Variants in VAPB observed in about 807,000 individuals in gnomAD.
The protein encoded by VAPB is VAMP associated protein B and C, also known as vesicle-associated membrane protein-associated protein B/C.
A neutral mutation model predicts 25.6 loss-of-function variants in VAPB; 7 were observed. The ratio of observed to expected loss-of-function variants is 0.27; its 90% CI spans 0.16 to 0.51. The LOEUF is 0.51. Among genes scored for constraint, VAPB ranks in the 20% least tolerant of loss-of-function variants. The pLI is 0.97. For synonymous variants in VAPB, 112 were observed against 109.2 expected, an observed-to-expected ratio of 1.03 and a Z score of -0.16; for missense variants, 266 against 301.3, an observed-to-expected ratio of 0.88 and a Z score of 0.87.
rs113753542 is a variant in VAPB at position 58,399,293 on chromosome 20, T to C, written c.58+9776T>C. Among the ~76,000 whole-genome samples, 279 of 147,108 alleles carry C rather than the reference T, an allele frequency of 1.9e-3. 1 individual carries two copies. Among genetic ancestry groups the C allele is most frequent in the African/African-American group, 6.9e-3 (273 of 39,698 alleles). ...CCAGCCTGGGCAACAAGAGCAAAAC[T>C]CCGTCTCAAAAAAAAAAAAGAGAGA... On this transcript the variant is annotated intron_variant, in intron 1 of 5. Coordinates refer to ENST00000475243, the MANE Select transcript of VAPB (RefSeq NM_004738.5).
At chr20:58,402,190 C>T (rs563886091) in intron 1 of VAPB, among the ~76,000 whole-genome samples, 1 of 152,312 alleles carries the variant, frequency 6.6e-6, no homozygotes, top group South Asian at 2.1e-4. Context: ...TGCACTCCCC[C>T]CACATTGCCC....
Position 58,442,088 on chromosome 20 carries a change from A to C in VAPB, c.573+1005A>C, listed in dbSNP as rs983591413. Among the ~76,000 whole-genome samples the C allele has an allele frequency of 3.9e-5, 6 of 152,330 alleles. No individual in the cohort carries two copies. In the South Asian group the frequency reaches 1.2e-3, roughly 32 times the overall value. On this transcript the variant is annotated intron_variant, in intron 5 of 5. Coordinates refer to ENST00000475243, the MANE Select transcript of VAPB (RefSeq NM_004738.5). Reference sequence around the variant, plus strand: ...CCCATCCAATATGAAACAGCTCTGAATCTGTGCTGGTCACAGCATCTCTTA... The same window carrying C: ...CCCATCCAATATGAAACAGCTCTGACTCTGTGCTGGTCACAGCATCTCTTA...
rs543250405 is a variant in VAPB, at chr20:58,405,567, A to G, written c.59-12644A>G. On this transcript the variant is annotated intron_variant, in intron 1 of 5. Transcript: ENST00000475243. Reference sequence around the variant, plus strand: ...AACCTCTGTCTCCCGGGTTCAAGCAATTCTCTTGCCTCAGCCTCCTGAGTA... The same window carrying G: ...AACCTCTGTCTCCCGGGTTCAAGCAGTTCTCTTGCCTCAGCCTCCTGAGTA... 4.3e-4 allele frequency among the ~76,000 whole-genome samples: 65 copies of G among 149,432 alleles called. No individual in the cohort carries two copies. The Middle Eastern group carries it at 0.011, about 25-fold the overall frequency.
At chr20:58,404,105 C>T (rs1988165459) in intron 1 of VAPB, among the ~76,000 whole-genome samples, 1 of 152,166 alleles carries the variant, frequency 6.6e-6, no homozygotes, top group South Asian at 2.1e-4. Context: ...GCCTGCTTCT[C>T]TCACCCTTTG....
At chr20:58,402,622 G>T (rs1480655982) in intron 1 of VAPB, among the ~76,000 whole-genome samples, 1 of 147,046 alleles carries the variant, frequency 6.8e-6, no homozygotes, top group Non-Finnish European at 1.5e-5. Context: ...GCCTAGCACA[G>T]CACAGTGCAT....
At chr20:58,429,667 G>A (rs1450883083) in intron 2 of VAPB, among the ~76,000 whole-genome samples, 1 of 152,324 alleles carries the variant, frequency 6.6e-6, no homozygotes, top group African/African-American at 2.4e-5. Flanking sequence ...ATGCATATGT[G>A]CCTCTATTTT....
rs1476283118 is a variant in VAPB at position 58,389,322 on chromosome 20, C to T, written c.-138C>T. 2.2e-6 allele frequency: 2 copies of T among 917,518 alleles called. No individual in the cohort carries two copies. The highest frequency in any genetic ancestry group is 4.2e-5 in the Admixed American group (2 of 47,892). The allele number at this position is 917,518 out of a possible 1,614,324, so 56.8% of individuals were successfully genotyped here. On this transcript the variant is annotated 5_prime_UTR_variant, in exon 1 of 6. Coordinates refer to ENST00000475243, the MANE Select transcript of VAPB (RefSeq NM_004738.5). ...GACCGACCCCCCCCCAGCGCGCCCA[C>T]CCGGTAGAGGACCCCCGCCCGTGCC...
At chr20:58,389,617 C>T (rs1324430843) in intron 1 of VAPB, 100 bp downstream of exon 1, 2 of 1,295,598 alleles carry the variant, frequency 1.5e-6, no homozygotes, top group Non-Finnish European at 2.0e-6. Context: ...TCGTCCCCAC[C>T]CCGACGGCGC....
At chr20:58,402,515 C>G (rs1988121718) in intron 1 of VAPB, among the ~76,000 whole-genome samples, 1 of 151,312 alleles carries the variant, frequency 6.6e-6, no homozygotes, top group Non-Finnish European at 1.5e-5. Flanking sequence ...TCATTGGCAA[C>G]GTGATACGTG....
At position 58,445,823 on chromosome 20, in the gene VAPB, T is replaced by C. The variant is rs1600824354; in HGVS notation, c.*1588T>C. On this transcript the variant is annotated 3_prime_UTR_variant, in exon 6 of 6. Coordinates refer to ENST00000475243, the MANE Select transcript of VAPB (RefSeq NM_004738.5). ...GGCCTTCCATTGCTTTGGCCTTCAG[T>C]AAAAAGCAGCCTCCCTTCTAGGTCA... 2.2e-6 allele frequency: 1 copy of C among 453,878 alleles called. No homozygotes were observed. Among genetic ancestry groups the C allele is most frequent in the East Asian group, 7.0e-5 (1 of 14,364 alleles). The allele number at this position is 453,878 out of a possible 1,614,324, so 28.1% of individuals were successfully genotyped here.
In VAPB at chr20:58,434,620, A is replaced by G; in HGVS notation, c.230A>G (p.Asp77Gly). The G allele has an allele frequency of 6.3e-7, 1 of 1,580,578 alleles. No individual in the cohort carries two copies. The highest frequency in any genetic ancestry group is 8.7e-7 in the Non-Finnish European group (1 of 1,149,904). ...INVSVMLQPF[D>G]YDPNEKSKHK... is the part of the protein sequence containing the mutation. The stretch of plus-strand genomic sequence containing the variant: ...TTCTCAGTGATGTTACAGCCTTTCG[A>G]TTATGATCCCAATGAGAAAAGTAAA... The change falls in exon 3 of 6, where the codon GAT becomes GGT. Residue 77 changes from aspartate (D) to glycine (G), a missense_variant. Physicochemically the swap from Asp to Gly is moderately conservative, Grantham distance 94. Around this residue, in one of 3 missense-constraint regions of VAPB, gnomAD observed 98 missense variants for 147.1 expected, o/e 0.67. Coordinates refer to ENST00000475243, the MANE Select transcript of VAPB (RefSeq NM_004738.5).
intron 1 of VAPB, among the ~76,000 whole-genome samples, chr20:58,408,242 G>C (rs1486466476): frequency 3.3e-5 from 5 of 152,170 alleles, no homozygotes; most frequent in Admixed American, 3.3e-4. Context: ...TTTCTCAGTA[G>C]CTGGCTGGCT....
chr20:58,417,067 C>G (rs1032767850), intron 1 of VAPB, among the ~76,000 whole-genome samples: 3 of 152,224 alleles, frequency 2.0e-5, no homozygotes, highest in African/African-American at 7.2e-5. Flanking sequence ...CCTTCACTTC[C>G]TGTTTCCTTG....
chr20:58,397,533 AAC>A lies in VAPB; in HGVS notation c.58+8018_58+8019del, dbSNP rs1568697858. Among the ~76,000 whole-genome samples the A allele has an allele frequency of 2.6e-5, 4 of 152,026 alleles. No individual in the cohort carries two copies. The East Asian group carries it at 5.8e-4, about 22-fold the overall frequency. On this transcript the variant is annotated intron_variant, in intron 1 of 5. Transcript: ENST00000475243. ...AAACTCTGTCTCAAAAAAAAAAAAAAACAAAACACATTAACTTGTGGGTAATT... is the reference window on the plus strand; with the variant it reads ...AAACTCTGTCTCAAAAAAAAAAAAAAAAAACACATTAACTTGTGGGTAATT...
chr20:58,415,080 G>A (rs1292793915), intron 1 of VAPB, among the ~76,000 whole-genome samples: 2 of 151,122 alleles, frequency 1.3e-5, no homozygotes, highest in Admixed American at 6.6e-5. Context: ...CAGGCGTGGC[G>A]GCGCGAGCCT....
In VAPB at chr20:58,447,648, C is replaced by T. The variant is rs1256122703; in HGVS notation, c.*3413C>T. On this transcript the variant is annotated 3_prime_UTR_variant, in exon 6 of 6. Coordinates refer to ENST00000475243, the MANE Select transcript of VAPB (RefSeq NM_004738.5). Reference sequence around the variant, plus strand: ...CCTTTCAGATGAATTTGAAAACAGACTCTGTGTGTGTGTGCATGTGTGCAT... The same window carrying T: ...CCTTTCAGATGAATTTGAAAACAGATTCTGTGTGTGTGTGCATGTGTGCAT... 1.1e-5 allele frequency: 4 copies of T among 371,058 alleles called. No homozygotes were observed. The highest frequency in any genetic ancestry group is 7.9e-5 in the African/African-American group (2 of 25,160). The allele number at this position is 371,058 out of a possible 1,614,324, so 23.0% of individuals were successfully genotyped here. A position where few individuals can be genotyped will look rare whatever the true frequency, so the allele number is the denominator to read the frequency against.
chr20:58,394,926 C>T (rs185955442), intron 1 of VAPB, among the ~76,000 whole-genome samples: 67 of 152,322 alleles, frequency 4.4e-4, no homozygotes, highest in Admixed American at 2.9e-3. Flanking sequence ...AACTCTTAAA[C>T]GTTAACACTA....
chr20:58,434,149 A>G (rs1381993490), intron 2 of VAPB, among the ~76,000 whole-genome samples: 9 of 152,238 alleles, frequency 5.9e-5, no homozygotes, highest in East Asian at 1.9e-4. Flanking sequence ...TTGATTAGCT[A>G]TATGAGAAAT....
chr20:58,397,299 C>A (rs1666278283), intron 1 of VAPB, among the ~76,000 whole-genome samples: 1 of 152,072 alleles, frequency 6.6e-6, no homozygotes, highest in Admixed American at 6.6e-5. Context: ...GCAGGCAGAT[C>A]AACTGAGGTC....
Sources: gnomAD v4.1 joint callset for allele counts (sites outside exome capture counted in the v4.1 genomes callset) on GRCh38, gnomAD v4.1.1 for gene constraint, gnomAD v4.1.1 regional missense constraint, MANE v1.5 for transcripts, NCBI Gene and HGNC (gene_info 2026-07-23, HGNC 2026-07-21) for gene names.